The following HIVEP2 variants were observed in gnomAD, a reference collection of about 807,000 sequenced individuals.
The protein encoded by HIVEP2 is transcription factor HIVEP2.
HIVEP2 carries 14 observed loss-of-function variants against 180.7 expected under a neutral mutation model. The ratio of observed to expected loss-of-function variants is 0.08; its 90% CI spans 0.05 to 0.12. HIVEP2 has a LOEUF of 0.12. Among genes scored for constraint, HIVEP2 ranks in the 10% least tolerant of loss-of-function variants. The probability of loss-of-function intolerance (pLI) is 1.00; values close to 1 mark genes in which losing one functional copy is unlikely to be tolerated. For synonymous variants in HIVEP2, 1,184 were observed against 1,136.4 expected (o/e 1.04, Z -0.84); for missense variants, 2,579 against 3,008.5 (o/e 0.86, Z 3.34).
chr6:142,926,474 G>A (rs1182136159), intron 1 of HIVEP2, among the ~76,000 whole-genome samples: 4 of 152,248 alleles, frequency 2.6e-5, no homozygotes, highest in Non-Finnish European at 5.9e-5. Flanking sequence ...CAGTTAGAGG[G>A]AGAGTTAAAC....
At chr6:142,914,645 TA>T (rs1297304036) in intron 1 of HIVEP2, among the ~76,000 whole-genome samples, 4 of 152,194 alleles carry the variant, frequency 2.6e-5, no homozygotes, top group African/African-American at 9.7e-5. Context: ...CCTTGGTGCA[TA>T]GTAGTTGGTA....
At chr6:142,924,511 A>C (rs1261478131) in intron 1 of HIVEP2, among the ~76,000 whole-genome samples, 1 of 152,248 alleles carries the variant, frequency 6.6e-6, no homozygotes, top group Non-Finnish European at 1.5e-5. Context: ...GATACAATGG[A>C]AGATTGCATT....
chr6:142,805,163 A>G (rs760580511), intron 2 of HIVEP2, among the ~76,000 whole-genome samples: 8 of 152,264 alleles, frequency 5.3e-5, no homozygotes, highest in African/African-American at 9.6e-5. Context: ...GGGAGTAATT[A>G]CATGGGCTGG....
chr6:142,913,940 C>T (rs1777484563), intron 1 of HIVEP2, among the ~76,000 whole-genome samples: 1 of 152,134 alleles, frequency 6.6e-6, no homozygotes, highest in South Asian at 2.1e-4. Flanking sequence ...GTGTCTCTCC[C>T]ACCACAGTGT....
chr6:142,807,918 C>G (rs1364960968), intron 2 of HIVEP2, among the ~76,000 whole-genome samples: 1 of 152,188 alleles, frequency 6.6e-6, no homozygotes, highest in Non-Finnish European at 1.5e-5. Flanking sequence ...TACCTCCAGG[C>G]TCTTCCTCAT....
rs1333471871 is a variant in HIVEP2, at chr6:142,764,963, T to C, written c.5354A>G (p.Asn1785Ser). ...TCCTCTGACATATACATAATCTTCATTCGATTTGTACCTGTTTTAAAAAGA... is the reference window on the plus strand; with the variant it reads ...TCCTCTGACATATACATAATCTTCACTCGATTTGTACCTGTTTTAAAAAGA... ...IKIFEGGYKS[N>S]EDYVYVRGRG... is the part of the protein sequence containing the mutation. The change falls in exon 7 of 10, where the codon AAT becomes AGT. Residue 1785 changes from asparagine to serine, a missense_variant. Asn to Ser is a conservative substitution (Grantham distance 46). Around this residue, in one of 11 missense-constraint regions of HIVEP2, gnomAD observed 21 missense variants for 86.8 expected, o/e 0.24. Coordinates refer to ENST00000367603, the MANE Select transcript of HIVEP2 (RefSeq NM_006734.4). 6.2e-7 allele frequency: 1 copy of C among 1,607,196 alleles called. No homozygotes were observed. Among genetic ancestry groups the C allele is most frequent in the African/African-American group, 1.3e-5 (1 of 74,822 alleles).
intron 1 of HIVEP2, among the ~76,000 whole-genome samples, chr6:142,880,492 C>G (rs1451176185): frequency 6.6e-6 from 1 of 152,156 alleles, no homozygotes; most frequent in African/African-American, 2.4e-5. Context: ...GACAAAGAAG[C>G]CTCTCTTCTC....
At chr6:142,927,764 C>T (rs1777851852) in intron 1 of HIVEP2, among the ~76,000 whole-genome samples, 2 of 152,176 alleles carry the variant, frequency 1.3e-5, no homozygotes, top group Non-Finnish European at 2.9e-5. Flanking sequence ...TTCTAAATTT[C>T]CAGCCTTCCA....
At position 142,772,723 on chromosome 6, in the gene HIVEP2, T is replaced by C. The variant is rs368106963; in HGVS notation, c.2016A>G (p.Glu672=). The change falls in exon 5 of 10, where the codon GAA becomes GAG. Residue 672 remains glutamate, a synonymous_variant. Coordinates refer to ENST00000367603, the MANE Select transcript of HIVEP2 (RefSeq NM_006734.4). This position sits in a 1 kb window ranked among gnomAD's most constrained non-coding sequence, Gnocchi z 4.9. ...ATGGCACCACGGGATCCATGAAATA[T>C]TCTCCACCATGCTTTAAAGAACTCA... The part of the protein sequence containing the change: ...SCLSSLKHGG[E]YFMDPVVPLQ... 186 of 1,614,224 alleles carry C rather than the reference T, an allele frequency of 1.2e-4. 1 individual carries two copies. The highest frequency in any genetic ancestry group is 1.9e-5 in the Non-Finnish European group (22 of 1,180,042).
intron 1 of HIVEP2, among the ~76,000 whole-genome samples, chr6:142,860,043 C>T (rs868453806): frequency 5.3e-5 from 8 of 151,410 alleles, no homozygotes; most frequent in Non-Finnish European, 7.4e-5. Context: ...CTTTTTTTCT[C>T]CTGTAAGTTC....
At chr6:142,934,254 T>G (rs1193301788) in intron 1 of HIVEP2, among the ~76,000 whole-genome samples, 1 of 152,230 alleles carries the variant, frequency 6.6e-6, no homozygotes, top group Non-Finnish European at 1.5e-5. Flanking sequence ...CCCTGCTGTA[T>G]TCCCAGGAGG....
At chr6:142,860,937 G>A (rs1775962816) in intron 1 of HIVEP2, among the ~76,000 whole-genome samples, 1 of 152,170 alleles carries the variant, frequency 6.6e-6, no homozygotes, top group African/African-American at 2.4e-5. Flanking sequence ...TAATTCCCAT[G>A]TGCCTTATTT....
At chr6:142,815,561 T>C (rs1448568706) in intron 2 of HIVEP2, among the ~76,000 whole-genome samples, 1 of 152,124 alleles carries the variant, frequency 6.6e-6, no homozygotes, top group Non-Finnish European at 1.5e-5. Context: ...GTAAAGAACT[T>C]GACATTTCTA....
Sources: gnomAD v4.1 joint callset for allele counts (sites outside exome capture counted in the v4.1 genomes callset) on GRCh38, gnomAD v4.1.1 for gene constraint, gnomAD v4.1.1 regional missense constraint, Gnocchi (gnomAD v3.1) non-coding constraint, MANE v1.5 for transcripts, NCBI Gene and HGNC (gene_info 2026-07-23, HGNC 2026-07-21) for gene names.